The following INPP4A variants were observed in gnomAD, a reference collection of about 807,000 sequenced individuals.
The protein encoded by INPP4A is inositol polyphosphate-4-phosphatase type I A.
Under a neutral mutation model 119.8 loss-of-function variants are expected in INPP4A, and 33 were observed. That is an observed-to-expected ratio of 0.28 (90% CI 0.21 to 0.37). The LOEUF is 0.37. INPP4A is among the 10% of genes least tolerant of loss of function. The pLI is 1.00. For missense variants in INPP4A, 956 were observed against 1,289.9 expected (o/e 0.74, Z 3.97); for synonymous variants, 496 against 500.7 (o/e 0.99, Z 0.12).
At chr2:98,459,500 T>C (rs1484685159) in intron 1 of INPP4A, among the ~76,000 whole-genome samples, 1 of 152,206 alleles carries the variant, frequency 6.6e-6, no homozygotes, top group African/African-American at 2.4e-5. Flanking sequence ...AACTGGTTAA[T>C]AGTAATTCCT....
chr2:98,572,819 G>A lies in INPP4A; in HGVS notation c.2523G>A (p.Leu841=), dbSNP rs1226473824. ...CGAACTCCTTTTCTCTTCCAGGCCT[G>A]CCTCGGTCTCGCAGTCAGACGTGCC... is the stretch of plus-strand genomic sequence containing the variant. The part of the protein sequence containing the change: ...QFKEVLPEDC[L]PRSRSQTCLP... Residue 841 remains leucine, a synonymous_variant, in exon 23 of 25, where the codon CTG becomes CTA. Coordinates refer to ENST00000409851, the MANE Select transcript of INPP4A (RefSeq NM_001134225.2). 7 of 1,554,556 alleles carry A rather than the reference G, an allele frequency of 4.5e-6. No individual in the cohort carries two copies. Among genetic ancestry groups the A allele is most frequent in the South Asian group, 2.4e-5 (2 of 84,182 alleles).
intron 10 of INPP4A, among the ~76,000 whole-genome samples, chr2:98,540,798 G>T (rs191820995): frequency 1.3e-5 from 2 of 152,214 alleles, no homozygotes; most frequent in Admixed American, 1.3e-4. Flanking sequence ...TCATGACCTC[G>T]TCATCTCTTA....
At chr2:98,473,388 A>G (rs1187360933) in intron 1 of INPP4A, among the ~76,000 whole-genome samples, 215 of 73,534 alleles carry the variant, frequency 2.9e-3, no homozygotes, top group African/African-American at 4.0e-3. Flanking sequence ...GGAGAGTGAG[A>G]AGGGCAGTGT....
chr2:98,550,630 C>A (rs1419832208), intron 13 of INPP4A, among the ~76,000 whole-genome samples: 1 of 152,194 alleles, frequency 6.6e-6, no homozygotes. Context: ...ATCCTGCCGC[C>A]CTCATGTGGC....
At chr2:98,467,066 G>A (rs768208121) in intron 1 of INPP4A, among the ~76,000 whole-genome samples, 8 of 152,164 alleles carry the variant, frequency 5.3e-5, no homozygotes, top group South Asian at 2.1e-4. Context: ...GCTTCTACTC[G>A]TGGTGGAAGG....
chr2:98,448,709 CTTTTTTT>C (rs1211225577), intron 1 of INPP4A, among the ~76,000 whole-genome samples: 3 of 76,836 alleles, frequency 3.9e-5, no homozygotes, highest in Non-Finnish European at 2.9e-5. Flanking sequence ...CTCTCTCTCT[CTTTTTTT>C]TTTTTTTTTT....
intron 1 of INPP4A, among the ~76,000 whole-genome samples, chr2:98,497,653 C>T (rs2105333456): frequency 6.6e-6 from 1 of 152,114 alleles, no homozygotes; most frequent in South Asian, 2.1e-4. Flanking sequence ...ACGTTAACCC[C>T]TTGTCTAATA....
At chr2:98,557,488 G>T (rs1694700024) in intron 16 of INPP4A, among the ~76,000 whole-genome samples, 1 of 152,340 alleles carries the variant, frequency 6.6e-6, no homozygotes, top group Non-Finnish European at 1.5e-5. Flanking sequence ...CAGTGCCACA[G>T]CATGGCTCTG....
At position 98,593,920 on chromosome 2, in the gene INPP4A, C is replaced by CA. The variant is rs1020791625; in HGVS notation, c.*6319dup. ...TCCCCACAAATGAAGTTGGCCCTTT[C>CA]AAAAAAACTTCCTCTCCTTCATTGT... On this transcript the variant is annotated 3_prime_UTR_variant, in exon 25 of 25. Transcript: ENST00000409851. The CA allele has an allele frequency of 2.7e-5, 4 of 150,774 alleles. No homozygotes were observed. Among genetic ancestry groups the CA allele is most frequent in the Admixed American group, 6.6e-5 (1 of 15,184 alleles). 9.3% of individuals were successfully genotyped at this position (150,774 alleles called of 1,614,324 possible). A position where few individuals can be genotyped will look rare whatever the true frequency, so the allele number is the denominator to read the frequency against.
rs202008377 is a variant in INPP4A, at chr2:98,568,799, TA to T, written c.2518+134del. The stretch of plus-strand genomic sequence containing the variant: ...GTGTGTGCACTGTTCCCTTTCTCCC[TA>T]AACACACACACGCAGAGAGAGAGAG... On this transcript the variant is annotated intron_variant, in intron 22 of 24. Transcript: ENST00000409851. 1,409 of 645,822 alleles carry T rather than the reference TA, an allele frequency of 2.2e-3. 17 individuals carry two copies. The African/African-American group carries it at 0.022, about 10-fold the overall frequency. The allele number at this position is 645,822 out of a possible 1,614,324, so 40.0% of individuals were successfully genotyped here.
chr2:98,577,282 A>C, intron 24 of INPP4A, 139 bp downstream of exon 24: 1 of 859,644 alleles, frequency 1.2e-6, no homozygotes, highest in Non-Finnish European at 1.7e-6. Flanking sequence ...AGTTTGACAA[A>C]CCCGTCAAAC....
chr2:98,581,855 C>A, intron 24 of INPP4A: 1 of 1,458,996 alleles, frequency 6.9e-7, no homozygotes, highest in Non-Finnish European at 9.0e-7. Context: ...TGTGTCAAAC[C>A]GTGGTCTGCC....
intron 23 of INPP4A, among the ~76,000 whole-genome samples, chr2:98,574,637 CAA>C (rs79411642): frequency 4.1e-4 from 37 of 90,642 alleles, no homozygotes; most frequent in Admixed American, 5.9e-4. Flanking sequence ...GACTCCATCT[CAA>C]AAAAAAAAAA....
intron 1 of INPP4A, among the ~76,000 whole-genome samples, chr2:98,470,805 C>T (rs368449786): frequency 3.9e-5 from 6 of 152,190 alleles, no homozygotes; most frequent in African/African-American, 1.4e-4. Context: ...GCAGCTGGGA[C>T]TACAGGCACG....
Position 98,587,958 on chromosome 2 carries a change from T to A in INPP4A, c.*350T>A. The A allele has an allele frequency of 4.2e-6, 1 of 237,594 alleles. No homozygotes were observed. The highest frequency in any genetic ancestry group is 8.2e-6 in the Non-Finnish European group (1 of 121,728). The allele number at this position is 237,594 out of a possible 1,614,324, so 14.7% of individuals were successfully genotyped here. On this transcript the variant is annotated 3_prime_UTR_variant, in exon 25 of 25. Transcript: ENST00000409851. Reference sequence around the variant, plus strand: ...AAGACTTTTTCAAATGCCTGCTTGCTCACTTACTTTTCTACAGAGTAACTC... The same window carrying A: ...AAGACTTTTTCAAATGCCTGCTTGCACACTTACTTTTCTACAGAGTAACTC...
chr2:98,515,574 C>T (rs749471371), intron 1 of INPP4A, among the ~76,000 whole-genome samples: 4 of 152,182 alleles, frequency 2.6e-5, no homozygotes, highest in Admixed American at 6.5e-5. Context: ...TCACTCTGAG[C>T]ATCCGTGACC....
chr2:98,488,780 T>G (rs2105186355), intron 1 of INPP4A, among the ~76,000 whole-genome samples: 1 of 152,170 alleles, frequency 6.6e-6, no homozygotes, highest in East Asian at 1.9e-4. Flanking sequence ...AGACTGAAGT[T>G]CAGGGAAAGG....
chr2:98,585,839 G>T (rs913912315), intron 24 of INPP4A, among the ~76,000 whole-genome samples: 1 of 152,242 alleles, frequency 6.6e-6, no homozygotes, highest in Non-Finnish European at 1.5e-5. Flanking sequence ...AAAAGATAAT[G>T]TCAAAGTTCA....
intron 24 of INPP4A, among the ~76,000 whole-genome samples, chr2:98,580,664 C>T (rs907897081): frequency 1.6e-4 from 25 of 152,208 alleles, no homozygotes; most frequent in African/African-American, 5.5e-4. Flanking sequence ...CTTCGGGGCT[C>T]CTCTGGGAGA....
Sources: allele counts gnomAD v4.1 joint callset (sites outside exome capture counted in the v4.1 genomes callset), GRCh38; gene constraint gnomAD v4.1.1; transcripts MANE v1.5; gene names NCBI Gene and HGNC (gene_info 2026-07-23, HGNC 2026-07-21).